HS6ST3: variants seen among roughly 807,000 people sequenced by gnomAD.
HS6ST3 encodes the protein heparan-sulfate 6-O-sulfotransferase 3.
In HS6ST3, 12 loss-of-function variants were observed where a neutral mutation model predicts 36.7. The observed-to-expected ratio is 0.33, with a 90% CI of 0.21 to 0.53. The LOEUF (loss-of-function observed/expected upper bound fraction) is 0.53. Among genes scored for constraint, HS6ST3 ranks in the 20% least tolerant of loss-of-function variants. HS6ST3 has a pLI of 0.95. For missense variants in HS6ST3, 584 were observed against 640.9 expected, an observed-to-expected ratio of 0.91 and a Z score of 0.96; for synonymous variants, 240 against 257.5, an observed-to-expected ratio of 0.93 and a Z score of 0.65.
intron 1 of HS6ST3, among the ~76,000 whole-genome samples, chr13:96,351,105 ATAAT>A (rs2055180564): frequency 1.3e-5 from 2 of 152,188 alleles, no homozygotes; most frequent in Admixed American, 6.5e-5. Flanking sequence ...GTTTAGAGAA[ATAAT>A]TAATTATATT....
intron 1 of HS6ST3, among the ~76,000 whole-genome samples, chr13:96,783,035 T>C (rs566201143): frequency 8.1e-4 from 123 of 152,184 alleles, no homozygotes; most frequent in Non-Finnish European, 1.4e-3. Flanking sequence ...TAAATTATTT[T>C]GAACAATGTG....
At chr13:96,484,522 G>C (rs148102726) in intron 1 of HS6ST3, among the ~76,000 whole-genome samples, 1 of 151,898 alleles carries the variant, frequency 6.6e-6, no homozygotes, top group Non-Finnish European at 1.5e-5. Context: ...TCCTTCCCCC[G>C]CCACCAACTA....
At chr13:96,198,116 G>T (rs1003981061) in intron 1 of HS6ST3, among the ~76,000 whole-genome samples, 2 of 152,210 alleles carry the variant, frequency 1.3e-5, no homozygotes, top group African/African-American at 4.8e-5. Flanking sequence ...AGCTGCCAAG[G>T]CTCGGGGCTT....
chr13:96,795,109 T>C (rs1440618315), intron 1 of HS6ST3, among the ~76,000 whole-genome samples: 1 of 152,078 alleles, frequency 6.6e-6, no homozygotes, highest in Non-Finnish European at 1.5e-5. Context: ...AATTTACTTA[T>C]GTCAAAGTCA....
At chr13:96,579,447 G>T (rs764771994) in intron 1 of HS6ST3, among the ~76,000 whole-genome samples, 3 of 151,788 alleles carry the variant, frequency 2.0e-5, no homozygotes, top group Non-Finnish European at 4.4e-5. Flanking sequence ...GTATTGTAGA[G>T]AATAAATCAT....
At chr13:96,660,011 A>G (rs1258571116) in intron 1 of HS6ST3, among the ~76,000 whole-genome samples, 1 of 152,162 alleles carries the variant, frequency 6.6e-6, no homozygotes, top group Non-Finnish European at 1.5e-5. Context: ...ACTAATATTT[A>G]CTTAATCCTT....
intron 1 of HS6ST3, among the ~76,000 whole-genome samples, chr13:96,790,569 A>G (rs1594860736): frequency 6.6e-6 from 1 of 152,048 alleles, no homozygotes; most frequent in Non-Finnish European, 1.5e-5. Flanking sequence ...GAGTCAACCA[A>G]TATTTTTTAA....
At chr13:96,490,410 ATT>A (rs948731893) in intron 1 of HS6ST3, among the ~76,000 whole-genome samples, 2 of 152,188 alleles carry the variant, frequency 1.3e-5, no homozygotes, top group African/African-American at 4.8e-5. Flanking sequence ...TTTTCAGTGT[ATT>A]TTTAAGGTTC....
At chr13:96,514,278 A>G (rs1434055743) in intron 1 of HS6ST3, among the ~76,000 whole-genome samples, 1 of 152,140 alleles carries the variant, frequency 6.6e-6, no homozygotes, top group African/African-American at 2.4e-5. Context: ...TGGGCTTTAT[A>G]TTGAAGGTGC....
chr13:96,594,859 T>C (rs1224789698), intron 1 of HS6ST3, among the ~76,000 whole-genome samples: 1 of 152,184 alleles, frequency 6.6e-6, no homozygotes, highest in Non-Finnish European at 1.5e-5. Context: ...CTCATTATCA[T>C]TTTTTTCTTT....
At chr13:96,651,712 G>C (rs1389592163) in intron 1 of HS6ST3, among the ~76,000 whole-genome samples, 1 of 152,058 alleles carries the variant, frequency 6.6e-6, no homozygotes, top group Admixed American at 6.6e-5. Context: ...TCAGCATCTA[G>C]TTGTATCTAA....
chr13:96,584,071 G>C (rs2056352120), intron 1 of HS6ST3, among the ~76,000 whole-genome samples: 1 of 152,102 alleles, frequency 6.6e-6, no homozygotes, highest in African/African-American at 2.4e-5. Context: ...ATTTACCTAA[G>C]TTCACAGCAC....
chr13:96,332,436 A>C (rs2055076107), intron 1 of HS6ST3, among the ~76,000 whole-genome samples: 3 of 152,304 alleles, frequency 2.0e-5, no homozygotes, highest in South Asian at 2.1e-4. Flanking sequence ...AAACTCTAAC[A>C]ATCTGTTGAA....
At chr13:96,487,522 G>T (rs923366972) in intron 1 of HS6ST3, among the ~76,000 whole-genome samples, 5 of 152,226 alleles carry the variant, frequency 3.3e-5, no homozygotes, top group Non-Finnish European at 7.4e-5. Context: ...AATATTTATT[G>T]ATAGGGCTGG....
chr13:96,739,194 C>G (rs1367864450), intron 1 of HS6ST3, among the ~76,000 whole-genome samples: 1 of 150,288 alleles, frequency 6.7e-6, no homozygotes, highest in African/African-American at 2.5e-5. Flanking sequence ...TTTTCATACC[C>G]CTTCTGTTCT....
intron 1 of HS6ST3, among the ~76,000 whole-genome samples, chr13:96,404,715 CAG>C (rs2055468488): frequency 6.6e-6 from 1 of 152,150 alleles, no homozygotes; most frequent in South Asian, 2.1e-4. Flanking sequence ...CACAGTAAAT[CAG>C]AGGACAGTGG....
chr13:96,532,373 T>C (rs2056139043), intron 1 of HS6ST3, among the ~76,000 whole-genome samples: 1 of 152,274 alleles, frequency 6.6e-6, no homozygotes, highest in South Asian at 2.1e-4. Flanking sequence ...TTCTTTCAGC[T>C]AGTTTGCATA....
chr13:96,251,282 TCAG>T (rs2054606885), intron 1 of HS6ST3, among the ~76,000 whole-genome samples: 1 of 152,164 alleles, frequency 6.6e-6, no homozygotes, highest in Non-Finnish European at 1.5e-5. Context: ...ATTGATCTAT[TCAG>T]ATTTTCTGCT....
At chr13:96,508,691 C>A (rs1319642556) in intron 1 of HS6ST3, among the ~76,000 whole-genome samples, 1 of 152,056 alleles carries the variant, frequency 6.6e-6, no homozygotes, top group East Asian at 1.9e-4. Flanking sequence ...ATCTAAGTTG[C>A]TACAAAAGAC....
Sources: allele counts gnomAD v4.1 joint callset (sites outside exome capture counted in the v4.1 genomes callset), GRCh38; gene constraint gnomAD v4.1.1; transcripts MANE v1.5; gene names NCBI Gene and HGNC (gene_info 2026-07-23, HGNC 2026-07-21).